DGKB: variants seen among roughly 807,000 people sequenced by gnomAD.
DGKB encodes the protein 90 kDa diacylglycerol kinase.
Under a neutral mutation model 114.3 loss-of-function variants are expected in DGKB, and 67 were observed. The ratio of observed to expected loss-of-function variants is 0.59; its 90% CI spans 0.48 to 0.72. DGKB has a LOEUF of 0.72. DGKB is among the 30% of genes least tolerant of loss of function. The pLI is 0.00. For missense variants in DGKB, 907 were observed against 975.2 expected (o/e 0.93, Z 0.93); for synonymous variants, 398 against 323.1 (o/e 1.23, Z -2.49).
chr7:14,291,094 G>T (rs1020644389), intron 23 of DGKB, among the ~76,000 whole-genome samples: 4 of 133,560 alleles, frequency 3.0e-5, no homozygotes, highest in African/African-American at 1.2e-4. Context: ...GTGAGCCGAG[G>T]TCATGCTACT....
At chr7:14,697,706 GGAAA>G (rs1284002401) in intron 8 of DGKB, among the ~76,000 whole-genome samples, 1 of 120,160 alleles carries the variant, frequency 8.3e-6, no homozygotes, top group Non-Finnish European at 1.7e-5. Flanking sequence ...AAGGAAGGAA[GGAAA>G]GAAAGAAAAG....
chr7:14,642,559 C>A (rs184788267), intron 13 of DGKB, among the ~76,000 whole-genome samples: 32 of 152,238 alleles, frequency 2.1e-4, no homozygotes, highest in African/African-American at 7.2e-4. Flanking sequence ...AAAAATTAAT[C>A]TAAGGTCTCA....
rs1174349315 is a variant in DGKB at position 14,409,504 on chromosome 7, G to C, written c.1836-64113C>G. Among the ~76,000 whole-genome samples the C allele has an allele frequency of 1.4e-4, 2 of 13,924 alleles. 1 individual carries two copies. The highest frequency in any genetic ancestry group is 5.6e-4 in the Non-Finnish European group (2 of 3,558). The allele number at this position is 13,924 out of a possible 152,430, so 9.1% of individuals were successfully genotyped here. A position where few individuals can be genotyped will look rare whatever the true frequency, so the allele number is the denominator to read the frequency against. ...GGGTGGATCATGAGGTCAGGAGATC[G>C]AGACCATCCTGGCTAACAAGGTGAA... is the stretch of plus-strand genomic sequence containing the variant. On this transcript the variant is annotated intron_variant, in intron 21 of 25. Coordinates refer to ENST00000402815, the MANE Select transcript of DGKB (RefSeq NM_001350709.2).
At chr7:14,904,766 G>C (rs1464628564), upstream of DGKB, among the ~76,000 whole-genome samples, 1 of 151,962 alleles carries the variant, frequency 6.6e-6, no homozygotes. Flanking sequence ...TTCATTTGTT[G>C]TCTGTCCATT....
At chr7:14,152,651 C>T (rs1034960921) in intron 25 of DGKB, among the ~76,000 whole-genome samples, 10 of 151,844 alleles carry the variant, frequency 6.6e-5, no homozygotes, top group Admixed American at 3.9e-4. Flanking sequence ...ACTATAAATA[C>T]GAAAAATGTG....
intron 23 of DGKB, among the ~76,000 whole-genome samples, chr7:14,291,292 A>G (rs921469285): frequency 2.6e-5 from 4 of 152,196 alleles, no homozygotes; most frequent in Admixed American, 1.3e-4. Flanking sequence ...GTATCATGCT[A>G]TCTAAAAACA....
At chr7:14,876,771 T>C (rs1853356200) in intron 1 of DGKB, among the ~76,000 whole-genome samples, 1 of 152,206 alleles carries the variant, frequency 6.6e-6, no homozygotes, top group Admixed American at 6.5e-5. Context: ...ATATACCTCC[T>C]CAACTAACTA....
chr7:14,916,157 A>G (rs548446173), intron 1 of DGKB, among the ~76,000 whole-genome samples: 3 of 152,182 alleles, frequency 2.0e-5, no homozygotes, highest in Non-Finnish European at 2.9e-5. Context: ...CTGCCAATAC[A>G]TATTGCAAAC....
chr7:14,176,289 GA>G, intron 25 of DGKB: 1 of 960,020 alleles, frequency 1.0e-6, no homozygotes, highest in Non-Finnish European at 1.2e-6. Flanking sequence ...CTATGCAAAT[GA>G]AAACTGATTT....
intron 12 of DGKB, among the ~76,000 whole-genome samples, chr7:14,681,141 A>G (rs1820757292): frequency 6.6e-6 from 1 of 151,950 alleles, no homozygotes; most frequent in African/African-American, 2.4e-5. Flanking sequence ...AAAAATCTAC[A>G]TGAATGTTTT....
chr7:14,388,530 C>T (rs1474383719), intron 21 of DGKB, among the ~76,000 whole-genome samples: 2 of 150,874 alleles, frequency 1.3e-5, no homozygotes, highest in Non-Finnish European at 3.0e-5. Context: ...GATAATAAGT[C>T]ATCATTTCAA....
At position 14,309,124 on chromosome 7, in the gene DGKB, GAGAATTGCTTGATCCC is replaced by G. The variant is rs1222272600; in HGVS notation, c.2122+29375_2122+29390del. ...CCAGCTACTTGAGAGGCTGAGGTGGGAGAATTGCTTGATCCCAGGAGGTCCAGGTTGCAGTGAGCCA... is the reference window on the plus strand; with the variant it reads ...CCAGCTACTTGAGAGGCTGAGGTGGGAGGAGGTCCAGGTTGCAGTGAGCCA... On this transcript the variant is annotated intron_variant, in intron 23 of 25. Transcript: ENST00000402815. Among the ~76,000 whole-genome samples, 17 of 152,228 alleles carry G rather than the reference GAGAATTGCTTGATCCC, an allele frequency of 1.1e-4. No homozygotes were observed. In the East Asian group the frequency reaches 2.5e-3, roughly 23 times the overall value.
At chr7:14,337,364 C>T (rs1810863229) in intron 23 of DGKB, among the ~76,000 whole-genome samples, 1 of 152,002 alleles carries the variant, frequency 6.6e-6, no homozygotes, top group Admixed American at 6.6e-5. Flanking sequence ...TTGTTATAAA[C>T]ATGCTTGTAC....
chr7:14,841,147 C>T lies in DGKB; in HGVS notation c.70+47G>A, dbSNP rs751628182. On this transcript the variant is annotated intron_variant, in intron 2 of 25. Transcript: ENST00000402815. Reference sequence around the variant, plus strand: ...TTCTTATAAATAAATGATACTTTGTCTAGCACAAATGTCAAATAATCTCAT... The same window carrying T: ...TTCTTATAAATAAATGATACTTTGTTTAGCACAAATGTCAAATAATCTCAT... 5.4e-6 allele frequency: 8 copies of T among 1,477,478 alleles called. No individual in the cohort carries two copies. The Admixed American group carries it at 7.4e-5, about 14-fold the overall frequency. 91.5% of individuals were successfully genotyped at this position (1,477,478 alleles called of 1,614,324 possible). A position where few individuals can be genotyped will look rare whatever the true frequency, so the allele number is the denominator to read the frequency against.
chr7:14,757,212 C>T (rs1835005887), intron 3 of DGKB, among the ~76,000 whole-genome samples: 1 of 151,950 alleles, frequency 6.6e-6, no homozygotes, highest in South Asian at 2.1e-4. Context: ...ACCCCTACAC[C>T]AATATCCATT....
intron 24 of DGKB, among the ~76,000 whole-genome samples, chr7:14,177,547 T>C (rs1584267618): frequency 1.8e-5 from 1 of 55,424 alleles, no homozygotes; most frequent in Non-Finnish European, 3.1e-5. Flanking sequence ...AGAGTGAAAC[T>C]CCGTCTCAAA....
chr7:14,376,442 C>G (rs541633459), intron 21 of DGKB, among the ~76,000 whole-genome samples: 5 of 152,202 alleles, frequency 3.3e-5, no homozygotes, highest in Non-Finnish European at 7.4e-5. Context: ...CAAAAATAAC[C>G]TTACATCAGA....
intron 1 of DGKB, among the ~76,000 whole-genome samples, chr7:14,875,132 AAAT>A (rs967124374): frequency 3.3e-5 from 5 of 152,006 alleles, no homozygotes; most frequent in Admixed American, 2.0e-4. Flanking sequence ...GAGAATACCA[AAAT>A]AATAATAATA....
chr7:14,527,812 G>A (rs1298635240), intron 20 of DGKB, among the ~76,000 whole-genome samples: 2 of 151,986 alleles, frequency 1.3e-5, no homozygotes, highest in African/African-American at 4.8e-5. Flanking sequence ...TTCTAAAGCA[G>A]CAACTTTTAT....
Sources: gnomAD v4.1 joint callset for allele counts (sites outside exome capture counted in the v4.1 genomes callset) on GRCh38, gnomAD v4.1.1 for gene constraint, MANE v1.5 for transcripts, NCBI Gene and HGNC (gene_info 2026-07-23, HGNC 2026-07-21) for gene names.